ETF1: variants seen among roughly 807,000 people sequenced by gnomAD.
ETF1 encodes the protein eukaryotic translation termination factor 1.
Under a neutral mutation model 55.1 loss-of-function variants are expected in ETF1, and 4 were observed. The ratio of observed to expected loss-of-function variants is 0.07; its 90% confidence interval spans 0.04 to 0.17. The LOEUF is 0.17. Among genes scored for constraint, ETF1 ranks in the 10% least tolerant of loss-of-function variants. ETF1 has a pLI of 1.00. For synonymous variants in ETF1, 157 were observed against 182.3 expected (o/e 0.86, Z 1.12); for missense variants, 142 against 523.6 (o/e 0.27, Z 7.11).
intron 8 of ETF1, 48 bp from the exon 9 acceptor site, chr5:138,510,677 A>C (rs1307762970): frequency 1.2e-6 from 2 of 1,608,102 alleles, no homozygotes; most frequent in African/African-American, 2.7e-5. Context: ...CTCATATACT[A>C]ATCTGTGTAA....
intron 2 of ETF1, among the ~76,000 whole-genome samples, chr5:138,523,606 A>G (rs1765330114): frequency 2.0e-5 from 3 of 152,178 alleles, no homozygotes; most frequent in African/African-American, 7.2e-5. Context: ...AGAGAGACAA[A>G]GGTAGATTAG....
Position 138,517,777 on chromosome 5 carries a change from G to C in ETF1, c.263-77C>G, listed in dbSNP as rs1438883001. ...TCAATTAATAGAAAATGTTCCCATAGCCTATTTTCCCTGCCTGATCCTTTA... is the reference window on the plus strand; with the variant it reads ...TCAATTAATAGAAAATGTTCCCATACCCTATTTTCCCTGCCTGATCCTTTA... On this transcript the variant is annotated intron_variant, in intron 3 of 10. Coordinates refer to ENST00000360541, the MANE Select transcript of ETF1 (RefSeq NM_004730.4). 20 of 1,338,626 alleles carry C rather than the reference G, an allele frequency of 1.5e-5. No individual in the cohort carries two copies. In the East Asian group the frequency reaches 5.2e-4, roughly 35 times the overall value. 82.9% of individuals were successfully genotyped at this position (1,338,626 alleles called of 1,614,324 possible).
chr5:138,532,941 CTTCT>C (rs1765763760), intron 2 of ETF1, among the ~76,000 whole-genome samples: 1 of 151,714 alleles, frequency 6.6e-6, no homozygotes, highest in African/African-American at 2.4e-5. Context: ...TGTATATAAG[CTTCT>C]TTTTTTTTTT....
intron 3 of ETF1, 172 bp from the exon 4 acceptor site, chr5:138,517,872 C>A: frequency 1.0e-6 from 1 of 985,260 alleles, no homozygotes; most frequent in Non-Finnish European, 1.2e-6. Context: ...AATTTTAAAA[C>A]TTCTTCTGAG....
intron 2 of ETF1, among the ~76,000 whole-genome samples, chr5:138,523,304 T>C (rs1407795791): frequency 6.0e-5 from 8 of 132,330 alleles, no homozygotes; most frequent in Admixed American, 5.2e-4. Flanking sequence ...GAGGCGGAGG[T>C]TGCAATGAGC....
In ETF1 at chr5:138,506,262, T is replaced by C. The variant is rs1764554791; in HGVS notation, c.*2043A>G. ...AAGTGTAATACATATCAATATATAT[T>C]GATACACACATCAATATATAATGCA... On this transcript the variant is annotated 3_prime_UTR_variant, in exon 11 of 11. Coordinates refer to ENST00000360541, the MANE Select transcript of ETF1 (RefSeq NM_004730.4). 2 of 152,604 alleles carry C rather than the reference T, an allele frequency of 1.3e-5. No individual in the cohort carries two copies. The highest frequency in any genetic ancestry group is 2.9e-5 in the Non-Finnish European group (2 of 68,032). 9.5% of individuals were successfully genotyped at this position (152,604 alleles called of 1,614,324 possible).
At chr5:138,517,866 T>G (rs570936947) in intron 3 of ETF1, 166 bp from the exon 4 acceptor site, 2 of 985,230 alleles carry the variant, frequency 2.0e-6, no homozygotes, top group East Asian at 2.3e-4. Flanking sequence ...CTCCCTAATT[T>G]TAAAACTTCT....
intron 3 of ETF1, among the ~76,000 whole-genome samples, chr5:138,518,341 G>A (rs997289830): frequency 1.6e-4 from 25 of 151,916 alleles, no homozygotes; most frequent in Non-Finnish European, 5.9e-5. Context: ...CTCCAGAGTA[G>A]ATGGGACTAC....
At position 138,508,892 on chromosome 5, in the gene ETF1, T is replaced by C. The variant is rs1413591396; in HGVS notation, c.1084-76A>G. On this transcript the variant is annotated intron_variant, in intron 9 of 10. Coordinates refer to ENST00000360541, the MANE Select transcript of ETF1 (RefSeq NM_004730.4). Reference sequence around the variant, plus strand: ...GCTAATTAGTCCCTCTCACAGCCCCTTGCCCACCTATCACTCTCATCCTCC... The same window carrying C: ...GCTAATTAGTCCCTCTCACAGCCCCCTGCCCACCTATCACTCTCATCCTCC... 7 of 1,545,822 alleles carry C rather than the reference T, an allele frequency of 4.5e-6. No homozygotes were observed. In the African/African-American group the frequency reaches 5.5e-5, roughly 12 times the overall value.
At chr5:138,528,720 GT>G (rs1561841048) in intron 2 of ETF1, among the ~76,000 whole-genome samples, 1 of 152,094 alleles carries the variant, frequency 6.6e-6, no homozygotes, top group African/African-American at 2.4e-5. Context: ...GAAACATTAA[GT>G]TTCTGAATTT....
intron 8 of ETF1, 145 bp from the exon 9 acceptor site, chr5:138,510,774 G>A: frequency 1.7e-6 from 2 of 1,199,748 alleles, no homozygotes; most frequent in Non-Finnish European, 2.3e-6. Context: ...CATACACTGA[G>A]TGTCTACTAG....
intron 2 of ETF1, among the ~76,000 whole-genome samples, chr5:138,528,003 C>T (rs900497608): frequency 2.0e-5 from 3 of 152,098 alleles, no homozygotes; most frequent in Admixed American, 6.5e-5. Flanking sequence ...AACTCCCGAC[C>T]TCAGGTGATC....
At position 138,517,436 on chromosome 5, in the gene ETF1, T is replaced by C. The variant is rs565304233; in HGVS notation, c.402+125A>G. Reference sequence around the variant, plus strand: ...AAGAAGTACAGCACAAGCATATCTATGGAAAGAAAATATAGTGGTTGCCTA... The same window carrying C: ...AAGAAGTACAGCACAAGCATATCTACGGAAAGAAAATATAGTGGTTGCCTA... On this transcript the variant is annotated intron_variant, in intron 4 of 10. Coordinates refer to ENST00000360541, the MANE Select transcript of ETF1 (RefSeq NM_004730.4). The C allele has an allele frequency of 6.2e-3, 2,751 of 446,412 alleles. 19 individuals carry two copies. The highest frequency in any genetic ancestry group is 9.3e-3 in the Non-Finnish European group (2,294 of 246,322). 27.7% of individuals were successfully genotyped at this position (446,412 alleles called of 1,614,324 possible).
At chr5:138,539,124 A>C (rs1766071144) in intron 2 of ETF1, among the ~76,000 whole-genome samples, 1 of 152,266 alleles carries the variant, frequency 6.6e-6, no homozygotes, top group Non-Finnish European at 1.5e-5. Context: ...GATAAGAAAC[A>C]CATAAGGTTT....
At chr5:138,526,696 C>G (rs1171039006) in intron 2 of ETF1, among the ~76,000 whole-genome samples, 4 of 151,872 alleles carry the variant, frequency 2.6e-5, no homozygotes, top group Admixed American at 2.0e-4. Context: ...ACCATCATGC[C>G]CAACAGCTAT....
chr5:138,515,486 G>A (rs1423358817), intron 4 of ETF1, among the ~76,000 whole-genome samples: 1 of 152,130 alleles, frequency 6.6e-6, no homozygotes, highest in Non-Finnish European at 1.5e-5. Context: ...TAATAATATA[G>A]CCTTATCAAA....
intron 2 of ETF1, among the ~76,000 whole-genome samples, chr5:138,529,296 A>T (rs1380100391): frequency 1.3e-5 from 2 of 152,220 alleles, no homozygotes; most frequent in African/African-American, 4.8e-5. Flanking sequence ...GTAAACACCC[A>T]AAATAAAATT....
At chr5:138,542,107 C>A (rs539333370) in intron 2 of ETF1, among the ~76,000 whole-genome samples, 96 of 152,296 alleles carry the variant, frequency 6.3e-4, no homozygotes, top group African/African-American at 2.3e-3. Context: ...TGATTCCTAT[C>A]AAACGGCCCC....
intron 2 of ETF1, among the ~76,000 whole-genome samples, chr5:138,521,406 G>A (rs1054878123): frequency 6.6e-6 from 1 of 152,166 alleles, no homozygotes; most frequent in Admixed American, 6.5e-5. Flanking sequence ...ACAACAGTGT[G>A]AATGTACTTA....
Sources: gnomAD v4.1 joint callset for allele counts (sites outside exome capture counted in the v4.1 genomes callset) on GRCh38, gnomAD v4.1.1 for gene constraint, MANE v1.5 for transcripts, NCBI Gene and HGNC (gene_info 2026-07-23, HGNC 2026-07-21) for gene names.